The following ZNF644 variants were observed in gnomAD, a reference collection of about 807,000 sequenced individuals.
The protein encoded by ZNF644 is zinc finger protein 644.
In ZNF644, 20 loss-of-function variants were observed where a neutral mutation model predicts 108.0. That is an observed-to-expected ratio of 0.19 (90% CI 0.13 to 0.27). The LOEUF is 0.27. Among genes scored for constraint, ZNF644 ranks in the 10% least tolerant of loss-of-function variants. The pLI is 1.00. For missense variants in ZNF644, 1,338 were observed against 1,548.9 expected (o/e 0.86, Z 2.29); for synonymous variants, 542 against 539.1 (o/e 1.01, Z -0.08).
chr1:90,966,384 T>A (rs541126937), intron 2 of ZNF644, among the ~76,000 whole-genome samples: 1 of 152,304 alleles, frequency 6.6e-6, no homozygotes, highest in African/African-American at 2.4e-5. Flanking sequence ...TGCTCACTGA[T>A]GTACCCTTGA....
At chr1:90,927,184 T>A (rs1298222128) in intron 4 of ZNF644, among the ~76,000 whole-genome samples, 1 of 152,184 alleles carries the variant, frequency 6.6e-6, no homozygotes, top group South Asian at 2.1e-4. Flanking sequence ...TCTTCCTCTT[T>A]CTCTGAAATT....
Position 90,939,229 on chromosome 1 carries a change from C to T in ZNF644, c.2125G>A (p.Val709Ile). The T allele has an allele frequency of 6.2e-7, 1 of 1,613,996 alleles. No homozygotes were observed. Among genetic ancestry groups the T allele is most frequent in the Non-Finnish European group, 8.5e-7 (1 of 1,179,928 alleles). The change falls in exon 3 of 6, where the codon GTT (valine) becomes ATT (isoleucine). Residue 709 changes from valine (V) to isoleucine (I), a missense_variant. By Grantham distance (29) the Val-to-Ile change is conservative. This residue lies in a region of ZNF644 where 462 missense variants were observed against 472.6 expected (regional missense o/e 0.98). Transcript: ENST00000337393. ...CNQNSSPHKN[V>I]TIKSSVDQKP... ...TGGTCAACGCTGCTTTTAATTGTAA[C>T]ATTCTTATGAGGAGAGCTGTTTTGA...
chr1:90,953,973 T>C (rs547131641), intron 2 of ZNF644, among the ~76,000 whole-genome samples: 1 of 152,180 alleles, frequency 6.6e-6, no homozygotes, highest in East Asian at 1.9e-4. Context: ...TTTAAAAAAA[T>C]GCTAACAGTC....
intron 4 of ZNF644, among the ~76,000 whole-genome samples, chr1:90,924,907 C>T (rs1310597005): frequency 6.6e-6 from 1 of 152,096 alleles, no homozygotes; most frequent in Admixed American, 6.6e-5. Context: ...GAGGAACTAC[C>T]TACCAATAAG....
intron 4 of ZNF644, among the ~76,000 whole-genome samples, chr1:90,926,568 G>A (rs1183532217): frequency 2.0e-5 from 3 of 152,136 alleles, no homozygotes; most frequent in African/African-American, 7.2e-5. Context: ...GTGGATAGCT[G>A]GATGTTGAAG....
chr1:90,969,066 G>C (rs190718783), intron 2 of ZNF644, among the ~76,000 whole-genome samples: 1 of 152,206 alleles, frequency 6.6e-6, no homozygotes, highest in Non-Finnish European at 1.5e-5. Context: ...TCACTATAAA[G>C]AACAACACTT....
chr1:90,996,383 A>T (rs1658146117), intron 1 of ZNF644, among the ~76,000 whole-genome samples: 1 of 152,238 alleles, frequency 6.6e-6, no homozygotes, highest in African/African-American at 2.4e-5. Context: ...GCTTGGAGCA[A>T]TCTAGGAAGA....
At chr1:90,985,549 T>A (rs543888322) in intron 1 of ZNF644, among the ~76,000 whole-genome samples, 10 of 152,188 alleles carry the variant, frequency 6.6e-5, no homozygotes, top group African/African-American at 1.7e-4. Flanking sequence ...TAAGTTAGAT[T>A]ACGTGGTGTT....
chr1:91,003,443 A>C (rs937707324), intron 1 of ZNF644, among the ~76,000 whole-genome samples: 5 of 151,768 alleles, frequency 3.3e-5, no homozygotes, highest in Non-Finnish European at 4.4e-5. Context: ...AAAAAACCAA[A>C]CACCACCTGT....
intron 2 of ZNF644, among the ~76,000 whole-genome samples, chr1:90,970,926 G>A (rs969901167): frequency 6.8e-6 from 1 of 147,628 alleles, no homozygotes; most frequent in Non-Finnish European, 1.5e-5. Flanking sequence ...CTTGAACCCG[G>A]GAGGCGGAGA....
intron 1 of ZNF644, among the ~76,000 whole-genome samples, chr1:91,014,288 T>C (rs1333467822): frequency 1.3e-5 from 2 of 152,178 alleles, no homozygotes; most frequent in African/African-American, 2.4e-5. Flanking sequence ...TAATGTCATC[T>C]TCCCGATGAG....
intron 2 of ZNF644, among the ~76,000 whole-genome samples, chr1:90,946,862 C>A (rs1470267020): frequency 6.6e-6 from 1 of 152,020 alleles, no homozygotes; most frequent in Non-Finnish European, 1.5e-5. Context: ...ATGTACCATC[C>A]TCACTTGTTA....
At chr1:90,941,433 T>C in intron 2 of ZNF644, 124 bp from the exon 3 acceptor site, 1 of 884,324 alleles carries the variant, frequency 1.1e-6, no homozygotes, top group Non-Finnish European at 1.7e-6. Context: ...GAGATTCTAA[T>C]AATTTTCCAA....
chr1:90,992,796 C>T (rs1043227367), intron 1 of ZNF644, among the ~76,000 whole-genome samples: 2 of 152,134 alleles, frequency 1.3e-5, no homozygotes, highest in African/African-American at 2.4e-5. Flanking sequence ...CCTGTAATCC[C>T]AGCACTTTGG....
chr1:90,949,994 G>C (rs1473504636), intron 2 of ZNF644, among the ~76,000 whole-genome samples: 1 of 151,830 alleles, frequency 6.6e-6, no homozygotes, highest in Non-Finnish European at 1.5e-5. Flanking sequence ...AAATAGCGCT[G>C]GGGCCGGGGG....
At chr1:90,955,431 G>C (rs1190378577) in intron 2 of ZNF644, among the ~76,000 whole-genome samples, 1 of 152,148 alleles carries the variant, frequency 6.6e-6, no homozygotes, top group Non-Finnish European at 1.5e-5. Flanking sequence ...TCTTCTTCTT[G>C]TAGAAAGCTG....
intron 2 of ZNF644, among the ~76,000 whole-genome samples, chr1:90,968,844 C>T (rs904198468): frequency 1.3e-5 from 2 of 152,094 alleles, no homozygotes; most frequent in African/African-American, 2.4e-5. Flanking sequence ...ACCTTGAATG[C>T]ATATATGCAC....
chr1:90,922,759 G>GC (rs1380389896), intron 4 of ZNF644, among the ~76,000 whole-genome samples: 1 of 151,754 alleles, frequency 6.6e-6, no homozygotes, highest in Non-Finnish European at 1.5e-5. Flanking sequence ...CTTAAGGTAG[G>GC]CCCCAGTCTG....
intron 1 of ZNF644, chr1:91,021,721 G>A (rs1430115254): frequency 2.9e-5 from 5 of 170,696 alleles, no homozygotes; most frequent in Non-Finnish European, 5.9e-5. Flanking sequence ...GACCGCCGCG[G>A]CCGCCGCCTC....
Sources: allele counts gnomAD v4.1 joint callset (sites outside exome capture counted in the v4.1 genomes callset), GRCh38; gene constraint gnomAD v4.1.1; regional missense constraint gnomAD v4.1.1; transcripts MANE v1.5; gene names NCBI Gene and HGNC (gene_info 2026-07-23, HGNC 2026-07-21).